Variants in GADL1 observed in about 807,000 individuals in gnomAD.
GADL1 encodes the protein GAD like acidic amino acid decarboxylase 1.
In GADL1, 71 loss-of-function variants were observed where a neutral mutation model predicts 69.5. The observed-to-expected ratio is 1.02, with a 90% CI of 0.84 to 1.25. The LOEUF (loss-of-function observed/expected upper bound fraction) is 1.25, where lower values mean the gene tolerates loss of function less well. GADL1 is among the 50% of genes most tolerant of loss of function. GADL1 has a pLI of 0.00. For missense variants in GADL1, 737 were observed against 631.8 expected, an observed-to-expected ratio of 1.17 and a Z score of -1.79; for synonymous variants, 254 against 214.4, an observed-to-expected ratio of 1.18 and a Z score of -1.62.
At chr3:30,756,689 T>C (rs1359124938) in intron 14 of GADL1, among the ~76,000 whole-genome samples, 1 of 152,094 alleles carries the variant, frequency 6.6e-6, no homozygotes, top group African/African-American at 2.4e-5. Context: ...GATTGGGAAG[T>C]AGAGATCATG....
At chr3:30,880,033 G>A (rs1698622615) in intron 1 of GADL1, among the ~76,000 whole-genome samples, 1 of 151,732 alleles carries the variant, frequency 6.6e-6, no homozygotes, top group Non-Finnish European at 1.5e-5. Context: ...AAAGGAAGGA[G>A]GTATTCATAA....
intron 14 of GADL1, among the ~76,000 whole-genome samples, chr3:30,753,900 G>A (rs559020281): frequency 6.6e-6 from 1 of 152,250 alleles, no homozygotes; most frequent in South Asian, 2.1e-4. Flanking sequence ...GAGGTAACTA[G>A]ACCATTGATG....
At chr3:30,766,873 G>GA (rs2125489390) in intron 14 of GADL1, among the ~76,000 whole-genome samples, 1 of 152,296 alleles carries the variant, frequency 6.6e-6, no homozygotes, top group African/African-American at 2.4e-5. Flanking sequence ...GACATATTGA[G>GA]AGTTGGACTT....
At chr3:30,780,939 T>A (rs891994312) in intron 13 of GADL1, among the ~76,000 whole-genome samples, 3 of 152,230 alleles carry the variant, frequency 2.0e-5, no homozygotes, top group South Asian at 2.1e-4. Flanking sequence ...CTCTGTAGCT[T>A]GTATTTTACA....
At chr3:30,788,316 C>T (rs527492809) in intron 12 of GADL1, among the ~76,000 whole-genome samples, 39 of 152,216 alleles carry the variant, frequency 2.6e-4, no homozygotes, top group African/African-American at 9.4e-4. Flanking sequence ...AGGAAAGTTC[C>T]TCAGTGTATA....
intron 11 of GADL1, among the ~76,000 whole-genome samples, chr3:30,814,253 C>A (rs1697417033): frequency 6.6e-6 from 1 of 152,132 alleles, no homozygotes; most frequent in Non-Finnish European, 1.5e-5. Flanking sequence ...TGCTGGGTTT[C>A]AAGGTCCATA....
intron 1 of GADL1, among the ~76,000 whole-genome samples, chr3:30,884,133 G>C (rs1698675951): frequency 6.6e-6 from 1 of 151,872 alleles, no homozygotes; most frequent in Non-Finnish European, 1.5e-5. Flanking sequence ...ATCTTGGTGG[G>C]TGTGAGGACA....
intron 12 of GADL1, chr3:30,800,309 A>G (rs1471434282): frequency 6.5e-6 from 1 of 152,882 alleles, no homozygotes; most frequent in Non-Finnish European, 1.5e-5. Flanking sequence ...GCAAAAGTAG[A>G]AACCCCTGAT....
intron 14 of GADL1, among the ~76,000 whole-genome samples, chr3:30,767,829 A>T (rs1306610231): frequency 6.6e-6 from 1 of 152,224 alleles, no homozygotes; most frequent in Non-Finnish European, 1.5e-5. Context: ...CCATGCTACA[A>T]AGACAGCTTT....
chr3:30,878,554 C>T (rs935740682), intron 1 of GADL1, among the ~76,000 whole-genome samples: 6 of 151,878 alleles, frequency 4.0e-5, no homozygotes, highest in African/African-American at 1.4e-4. Context: ...ATTTGATACC[C>T]ATCTCTTTTC....
intron 11 of GADL1, among the ~76,000 whole-genome samples, chr3:30,810,048 G>GT (rs1205792313): frequency 6.6e-6 from 1 of 152,190 alleles, no homozygotes; most frequent in Non-Finnish European, 1.5e-5. Context: ...CTGGTGAACA[G>GT]TCTGCCCTGT....
intron 6 of GADL1, 46 bp from the exon 7 acceptor site, chr3:30,844,512 G>T (rs755284102): frequency 7.3e-6 from 9 of 1,238,512 alleles, no homozygotes; most frequent in Non-Finnish European, 1.1e-5. Context: ...TGAAAACATA[G>T]CACAAAAAAA....
At chr3:30,849,478 G>A (rs1347109102) in intron 6 of GADL1, among the ~76,000 whole-genome samples, 2 of 152,066 alleles carry the variant, frequency 1.3e-5, no homozygotes, top group Admixed American at 1.3e-4. Context: ...CTTATCTACT[G>A]TCTGACCCAC....
At chr3:30,874,344 T>C (rs1330741555) in intron 1 of GADL1, among the ~76,000 whole-genome samples, 3 of 151,964 alleles carry the variant, frequency 2.0e-5, no homozygotes, top group Non-Finnish European at 4.4e-5. Context: ...GCTACTGTAA[T>C]GTTGAGAAAT....
intron 11 of GADL1, among the ~76,000 whole-genome samples, chr3:30,810,489 ATTC>A (rs1384649403): frequency 1.3e-5 from 2 of 152,150 alleles, no homozygotes; most frequent in African/African-American, 2.4e-5. Flanking sequence ...GCTCTTAAAA[ATTC>A]TTAAGTTGCT....
At chr3:30,770,620 C>A (rs1259949494) in intron 14 of GADL1, among the ~76,000 whole-genome samples, 1 of 152,168 alleles carries the variant, frequency 6.6e-6, no homozygotes, top group Admixed American at 6.5e-5. Flanking sequence ...GCCACTCCCA[C>A]AAAAATTCCT....
chr3:30,777,360 G>A (rs1227008407), intron 14 of GADL1, among the ~76,000 whole-genome samples: 2 of 152,192 alleles, frequency 1.3e-5, no homozygotes, highest in Non-Finnish European at 2.9e-5. Context: ...CACTCAAGAG[G>A]TAGGGAATTG....
At chr3:30,834,002 A>T in intron 10 of GADL1, 68 bp from the exon 11 acceptor site, 1 of 1,069,870 alleles carries the variant, frequency 9.3e-7, no homozygotes, top group South Asian at 1.3e-5. Flanking sequence ...ATGGAATACT[A>T]TCATTATCAA....
At chr3:30,729,150 T>G (rs1442400611) in intron 14 of GADL1, among the ~76,000 whole-genome samples, 3 of 152,182 alleles carry the variant, frequency 2.0e-5, no homozygotes, top group Non-Finnish European at 1.5e-5. Flanking sequence ...ATAATCCAGA[T>G]ACACAGATTT....
Sources: allele counts gnomAD v4.1 joint callset (sites outside exome capture counted in the v4.1 genomes callset), GRCh38; gene constraint gnomAD v4.1.1; transcripts MANE v1.5; gene names NCBI Gene and HGNC (gene_info 2026-07-23, HGNC 2026-07-21).